Variants in TGFBRAP1 observed in about 807,000 individuals in gnomAD.
TGFBRAP1 encodes transforming growth factor beta receptor associated protein 1, also known as transforming growth factor-beta receptor-associated protein 1.
Under a neutral mutation model 83.2 loss-of-function variants are expected in TGFBRAP1, and 20 were observed. That is an observed-to-expected ratio of 0.24 (90% CI 0.17 to 0.35). The LOEUF is 0.35. Among genes scored for constraint, TGFBRAP1 ranks in the 10% least tolerant of loss-of-function variants. The pLI, the probability that TGFBRAP1 is intolerant of heterozygous loss-of-function variation, is 1.00. For missense variants in TGFBRAP1, 950 were observed against 1,099.4 expected (o/e 0.86, Z 1.92); for synonymous variants, 415 against 459.8 (o/e 0.90, Z 1.25).
chr2:105,316,684 C>A lies in TGFBRAP1; in HGVS notation c.-17-8366G>T, dbSNP rs539801934. ...CAAAAATTAGCTGGGCGTGGCTGTG[C>A]ACACCTGTAGTCCCAGCTTCTCAGA... is the stretch of plus-strand genomic sequence containing the variant. On this transcript the variant is annotated intron_variant, in intron 1 of 11. Coordinates refer to ENST00000393359, the MANE Select transcript of TGFBRAP1 (RefSeq NM_004257.6). Among the ~76,000 whole-genome samples the A allele has an allele frequency of 2.0e-5, 3 of 151,930 alleles. No homozygotes were observed. In the East Asian group the frequency reaches 5.9e-4, roughly 30 times the overall value.
chr2:105,305,266 A>G (rs1344692257), intron 2 of TGFBRAP1, among the ~76,000 whole-genome samples: 2 of 152,262 alleles, frequency 1.3e-5, no homozygotes, highest in African/African-American at 2.4e-5. Flanking sequence ...GGAATTCGTT[A>G]TCACAAGAAA....
chr2:105,295,185 C>A (rs1407846830), intron 4 of TGFBRAP1, among the ~76,000 whole-genome samples: 1 of 152,210 alleles, frequency 6.6e-6, no homozygotes, highest in East Asian at 1.9e-4. Context: ...ACCTTCACAG[C>A]CCACAACCAT....
At chr2:105,296,211 G>T (rs946441468) in intron 4 of TGFBRAP1, 145 bp downstream of exon 4, 1 of 1,014,596 alleles carries the variant, frequency 9.9e-7, no homozygotes, top group Non-Finnish European at 1.4e-6. Flanking sequence ...TACACAATAT[G>T]TATTTGTTGA....
intron 7 of TGFBRAP1, among the ~76,000 whole-genome samples, chr2:105,277,003 C>T (rs1220847432): frequency 6.6e-6 from 1 of 152,160 alleles, no homozygotes; most frequent in Non-Finnish European, 1.5e-5. Context: ...GAGAAAGTCT[C>T]CCCCTGAGAG....
chr2:105,271,291 G>A (rs936006600), intron 10 of TGFBRAP1, among the ~76,000 whole-genome samples: 3 of 152,218 alleles, frequency 2.0e-5, no homozygotes, highest in Non-Finnish European at 4.4e-5. Context: ...AGAAAAGCTG[G>A]CGGAATGCAA....
At chr2:105,310,345 C>G (rs545622768) in intron 1 of TGFBRAP1, among the ~76,000 whole-genome samples, 2 of 152,244 alleles carry the variant, frequency 1.3e-5, no homozygotes, top group Middle Eastern at 3.4e-3. Flanking sequence ...AAGCTGGGCA[C>G]CAAGAGATTA....
At chr2:105,277,837 T>C (rs1677400173) in intron 6 of TGFBRAP1, among the ~76,000 whole-genome samples, 166 bp from the exon 7 acceptor site, 1 of 152,232 alleles carries the variant, frequency 6.6e-6, no homozygotes, top group African/African-American at 2.4e-5. Flanking sequence ...GTGGATGGCT[T>C]GAGCCCAGGA....
rs892546224 is a variant in TGFBRAP1, at chr2:105,308,404, G to T, written c.-17-86C>A. On this transcript the variant is annotated intron_variant, in intron 1 of 11. Transcript: ENST00000393359. ...GCAATAATGATACGTGGATTCCCTA[G>T]TTGTCATTTTCATTAAAGAAAGTCA... 3.9e-6 allele frequency: 5 copies of T among 1,290,492 alleles called. No individual in the cohort carries two copies. In the African/African-American group the frequency reaches 6.0e-5, roughly 15 times the overall value. 79.9% of individuals were successfully genotyped at this position (1,290,492 alleles called of 1,614,324 possible).
At chr2:105,311,793 C>T (rs1489196947) in intron 1 of TGFBRAP1, among the ~76,000 whole-genome samples, 2 of 151,746 alleles carry the variant, frequency 1.3e-5, no homozygotes, top group Non-Finnish European at 2.9e-5. Context: ...CCTGTAATTC[C>T]AGCTATTCAG....
chr2:105,277,312 A>T (rs1305781000), intron 7 of TGFBRAP1, among the ~76,000 whole-genome samples: 1 of 152,212 alleles, frequency 6.6e-6, no homozygotes, highest in Non-Finnish European at 1.5e-5. Context: ...AAATTTTCTG[A>T]TAAGGGTAGT....
chr2:105,272,724 T>G, intron 10 of TGFBRAP1, 131 bp downstream of exon 10: 2 of 1,249,988 alleles, frequency 1.6e-6, no homozygotes, highest in East Asian at 5.1e-5. Flanking sequence ...AAAATCTTTT[T>G]AAAAAAAGAG....
intron 4 of TGFBRAP1, among the ~76,000 whole-genome samples, chr2:105,288,463 T>C (rs1313311187): frequency 6.6e-6 from 1 of 152,176 alleles, no homozygotes. Context: ...GAAGGGAAAC[T>C]GGCAAACACA....
At chr2:105,280,942 G>T (rs1022757989) in intron 5 of TGFBRAP1, among the ~76,000 whole-genome samples, 5 of 152,088 alleles carry the variant, frequency 3.3e-5, no homozygotes, top group African/African-American at 1.2e-4. Flanking sequence ...GAACAGAAGG[G>T]ACGAAGGTGA....
chr2:105,277,034 A>G (rs1338100510), intron 7 of TGFBRAP1, among the ~76,000 whole-genome samples: 2 of 152,214 alleles, frequency 1.3e-5, no homozygotes, highest in African/African-American at 2.4e-5. Context: ...GGCTTTTCTC[A>G]AGATCAGTAG....
At chr2:105,275,209 A>G (rs1026676373) in intron 8 of TGFBRAP1, among the ~76,000 whole-genome samples, 2 of 152,206 alleles carry the variant, frequency 1.3e-5, no homozygotes, top group African/African-American at 4.8e-5. Context: ...CCTGCTCCAG[A>G]AAACAGCAGT....
At chr2:105,257,930 C>T in the TGFBRAP1 span, among the ~76,000 whole-genome samples, 1 of 152,264 alleles carries the variant, frequency 6.6e-6, no homozygotes, top group East Asian at 1.9e-4. Context: ...CAGAACTTTG[C>T]ACAATGCCTG....
intron 2 of TGFBRAP1, among the ~76,000 whole-genome samples, chr2:105,304,432 C>A (rs995127933): frequency 6.6e-6 from 1 of 152,144 alleles, no homozygotes; most frequent in Non-Finnish European, 1.5e-5. Flanking sequence ...AGAATGTTTT[C>A]TTCAAAAAGT....
At chr2:105,301,002 T>C (rs2104381247) in intron 2 of TGFBRAP1, among the ~76,000 whole-genome samples, 1 of 152,126 alleles carries the variant, frequency 6.6e-6, no homozygotes, top group South Asian at 2.1e-4. Flanking sequence ...GGCAGGCAGA[T>C]CACTCCAGTC....
chr2:105,252,014 C>T, the TGFBRAP1 span, among the ~76,000 whole-genome samples: 32 of 149,964 alleles, frequency 2.1e-4, no homozygotes, highest in Admixed American at 7.3e-4. Flanking sequence ...TGCGGAAGGC[C>T]GCAGGGTCCT....
Sources: gnomAD v4.1 joint callset for allele counts (sites outside exome capture counted in the v4.1 genomes callset) on GRCh38, gnomAD v4.1.1 for gene constraint, MANE v1.5 for transcripts, NCBI Gene and HGNC (gene_info 2026-07-23, HGNC 2026-07-21) for gene names.